The following DAB2 variants were observed in gnomAD, a reference collection of about 807,000 sequenced individuals.
DAB2 encodes disabled homolog 2.
Under a neutral mutation model 71.6 loss-of-function variants are expected in DAB2, and 28 were observed. The ratio of observed to expected loss-of-function variants is 0.39; its 90% CI spans 0.29 to 0.54. The LOEUF (loss-of-function observed/expected upper bound fraction) is 0.54, where lower values mean the gene tolerates loss of function less well. Ranked by LOEUF, DAB2 falls within the 20% of genes least tolerant of loss-of-function variation. The probability of loss-of-function intolerance (pLI) is 0.68; values close to 1 mark genes in which losing one functional copy is unlikely to be tolerated. For synonymous variants in DAB2, 345 were observed against 339.7 expected, an observed-to-expected ratio of 1.02 and a Z score of -0.17; for missense variants, 867 against 928.8, an observed-to-expected ratio of 0.93 and a Z score of 0.86.
intron 1 of DAB2, among the ~76,000 whole-genome samples, chr5:39,399,334 G>C (rs1402446990): frequency 6.6e-6 from 1 of 152,238 alleles, no homozygotes; most frequent in African/African-American, 2.4e-5. Flanking sequence ...CACAAGCACA[G>C]TTCCCCATCT....
rs1756067715 is a variant in DAB2 at position 39,424,784 on chromosome 5, AG to A, written c.-102+19del. On this transcript the variant is annotated intron_variant, in intron 1 of 14. Transcript: ENST00000320816. ...AAAAAAAATGGAGCCAGAGGGAAGA[AG>A]GGTTTCGAAGCTACTCACCGGCTAG... 1 of 151,908 alleles carries A rather than the reference AG, an allele frequency of 6.6e-6. No individual in the cohort carries two copies. Among genetic ancestry groups the A allele is most frequent in the African/African-American group, 2.4e-5 (1 of 41,144 alleles). 9.4% of individuals were successfully genotyped at this position (151,908 alleles called of 1,614,324 possible). A position where few individuals can be genotyped will look rare whatever the true frequency, so the allele number is the denominator to read the frequency against.
At position 39,414,674 on chromosome 5, in the gene DAB2, A is replaced by G. The variant is rs188193034; in HGVS notation, c.-102+10130T>C. Among the ~76,000 whole-genome samples the G allele has an allele frequency of 3.5e-4, 51 of 144,976 alleles. No individual in the cohort carries two copies. The East Asian group carries it at 0.011, about 32-fold the overall frequency. On this transcript the variant is annotated intron_variant, in intron 1 of 14. Transcript: ENST00000320816. ...GAGCAGATATAAACTAGAAGAACAT[A>G]TGGATATTGCTCATTATAAATAACC...
At chr5:39,392,165 AT>A in intron 4 of DAB2, 199 bp downstream of exon 4, 1 of 552,998 alleles carries the variant, frequency 1.8e-6, no homozygotes, top group Non-Finnish European at 3.2e-6. Flanking sequence ...CACATTTATT[AT>A]AGAACACAAA....
chr5:39,416,962 T>G (rs1755861757), intron 1 of DAB2, among the ~76,000 whole-genome samples: 1 of 152,180 alleles, frequency 6.6e-6, no homozygotes, highest in Admixed American at 6.6e-5. Flanking sequence ...TTTCTTCAAC[T>G]ACTAAGCAAT....
chr5:39,418,979 A>T (rs1169669441), intron 1 of DAB2, among the ~76,000 whole-genome samples: 2 of 152,230 alleles, frequency 1.3e-5, no homozygotes, highest in Non-Finnish European at 2.9e-5. Context: ...GGCTGTGGGC[A>T]CAGTCATTTG....
intron 1 of DAB2, among the ~76,000 whole-genome samples, chr5:39,411,450 C>T (rs748628738): frequency 1.3e-5 from 2 of 152,098 alleles, no homozygotes; most frequent in Non-Finnish European, 2.9e-5. Flanking sequence ...GTGGGATGGA[C>T]ACAAGTGATT....
intron 1 of DAB2, chr5:39,408,621 T>C (rs143263623): frequency 6.6e-6 from 1 of 152,248 alleles, no homozygotes; most frequent in Non-Finnish European, 1.5e-5. Context: ...ATTTAAAAAA[T>C]GGTTCTTCAT....
chr5:39,388,973 C>A, intron 7 of DAB2, 121 bp from the exon 8 acceptor site: 2 of 1,312,496 alleles, frequency 1.5e-6, no homozygotes, highest in Non-Finnish European at 2.2e-6. Context: ...AAACATCTTT[C>A]ATGATCAGAG....
intron 11 of DAB2, among the ~76,000 whole-genome samples, chr5:39,378,259 C>T (rs942273656): frequency 2.0e-4 from 31 of 152,342 alleles, no homozygotes; most frequent in African/African-American, 5.3e-4. Context: ...GCATCTTGTT[C>T]TAATATACAG....
At chr5:39,421,333 A>G (rs1437909560) in intron 1 of DAB2, among the ~76,000 whole-genome samples, 1 of 152,180 alleles carries the variant, frequency 6.6e-6, no homozygotes, top group Non-Finnish European at 1.5e-5. Context: ...AACAAACAAA[A>G]CCTTCAAAAT....
intron 11 of DAB2, among the ~76,000 whole-genome samples, chr5:39,380,559 A>G (rs1297157900): frequency 6.6e-6 from 1 of 152,180 alleles, no homozygotes; most frequent in African/African-American, 2.4e-5. Context: ...TAGAGTCCAT[A>G]GCAGGACAGC....
intron 1 of DAB2, among the ~76,000 whole-genome samples, chr5:39,418,509 A>G (rs187457699): frequency 6.6e-6 from 1 of 152,312 alleles, no homozygotes; most frequent in Admixed American, 6.5e-5. Flanking sequence ...TATGGACACA[A>G]TTAGGGATGA....
chr5:39,406,122 G>A (rs1275158543), intron 1 of DAB2, among the ~76,000 whole-genome samples: 1 of 152,086 alleles, frequency 6.6e-6, no homozygotes, highest in Non-Finnish European at 1.5e-5. Flanking sequence ...AATGATCAAT[G>A]GGCTGAAGTG....
intron 1 of DAB2, among the ~76,000 whole-genome samples, chr5:39,420,958 C>T (rs945587454): frequency 6.6e-6 from 1 of 152,134 alleles, no homozygotes; most frequent in African/African-American, 2.4e-5. Flanking sequence ...CTAGCCTAGT[C>T]ATTCAGTTTA....
chr5:39,375,143 C>T (rs1754794776), intron 13 of DAB2, 59 bp from the exon 14 acceptor site: 2 of 1,277,928 alleles, frequency 1.6e-6, no homozygotes, highest in Non-Finnish European at 2.2e-6. Context: ...AAAAAAATCG[C>T]AATGAAGACT....
intron 1 of DAB2, among the ~76,000 whole-genome samples, chr5:39,407,296 T>G (rs760875579): frequency 6.6e-6 from 1 of 152,218 alleles, no homozygotes; most frequent in Non-Finnish European, 1.5e-5. Flanking sequence ...CTCAGCTCAC[T>G]GCAACCTCCG....
intron 11 of DAB2, among the ~76,000 whole-genome samples, chr5:39,379,443 CAAAAAAAAA>C (rs33949918): frequency 2.8e-5 from 2 of 72,528 alleles, no homozygotes; most frequent in Non-Finnish European, 4.8e-5. Flanking sequence ...GACTCTGTCT[CAAAAAAAAA>C]AAAAAAAAAA....
Position 39,376,024 on chromosome 5 carries a change from T to G in DAB2, c.2220A>C (p.Lys740Asn), listed in dbSNP as rs774495609. The change falls in exon 13 of 15, where the codon AAA (lysine) becomes AAC (asparagine). Residue 740 changes from lysine (K) to asparagine (N), a missense_variant. Lys to Asn is a moderately conservative substitution (Grantham distance 94, BLOSUM62 0). Coordinates refer to ENST00000320816, the MANE Select transcript of DAB2 (RefSeq NM_001343.4). ...TDNAFENPFFKDSFGSSQASV... is the reference protein window; with the variant it reads ...TDNAFENPFFNDSFGSSQASV... Reference sequence around the variant, plus strand: ...AGGCTTGTGATGAACCAAAAGAATCTTTAAAGAAAGGGTTCTCAAATGCAT... The same window carrying G: ...AGGCTTGTGATGAACCAAAAGAATCGTTAAAGAAAGGGTTCTCAAATGCAT... 2.5e-6 allele frequency: 4 copies of G among 1,613,964 alleles called. No individual in the cohort carries two copies. In the East Asian group the frequency reaches 6.7e-5, roughly 27 times the overall value.
At position 39,422,044 on chromosome 5, in the gene DAB2, T is replaced by G. The variant is rs1192283807; in HGVS notation, c.-102+2760A>C. On this transcript the variant is annotated intron_variant, in intron 1 of 14. Transcript: ENST00000320816. This position sits in a 1 kb window ranked among gnomAD's most constrained non-coding sequence, Gnocchi z 4.1. ...AAGTTCATGCCAGTGTACTCCAGCA[T>G]GGGCAACAGAGGGAGACTCTGTCTC... Among the ~76,000 whole-genome samples the G allele has an allele frequency of 6.6e-6, 1 of 152,076 alleles. No homozygotes were observed.
Sources: gnomAD v4.1 joint callset for allele counts (sites outside exome capture counted in the v4.1 genomes callset) on GRCh38, gnomAD v4.1.1 for gene constraint, Gnocchi (gnomAD v3.1) non-coding constraint, MANE v1.5 for transcripts, NCBI Gene and HGNC (gene_info 2026-07-23, HGNC 2026-07-21) for gene names.